The following DPP6 variants were observed in gnomAD, a reference collection of about 807,000 sequenced individuals.
DPP6 encodes dipeptidyl peptidase like 6, also known as A-type potassium channel modulatory protein DPP6.
Under a neutral mutation model 122.6 loss-of-function variants are expected in DPP6, and 69 were observed. The ratio of observed to expected loss-of-function variants is 0.56; its 90% CI spans 0.46 to 0.69. The LOEUF (loss-of-function observed/expected upper bound fraction) is 0.69, where lower values mean the gene tolerates loss of function less well. Among genes scored for constraint, DPP6 ranks in the 30% least tolerant of loss-of-function variants. DPP6 has a pLI of 0.00. For synonymous variants in DPP6, 418 were observed against 433.1 expected, an observed-to-expected ratio of 0.97 and a Z score of 0.43; for missense variants, 928 against 1,116.9, an observed-to-expected ratio of 0.83 and a Z score of 2.41.
At chr7:154,127,755 T>A (rs1808047723) in intron 1 of DPP6, among the ~76,000 whole-genome samples, 2 of 152,194 alleles carry the variant, frequency 1.3e-5, no homozygotes, top group African/African-American at 2.4e-5. Flanking sequence ...GACTGTGATC[T>A]GTTTCTGTCC....
chr7:153,880,492 A>G, the DPP6 span, among the ~76,000 whole-genome samples: 1 of 152,228 alleles, frequency 6.6e-6, no homozygotes, highest in Non-Finnish European at 1.5e-5. Context: ...ATTTAATACC[A>G]ACAAAATACT....
intron 8 of DPP6, among the ~76,000 whole-genome samples, chr7:154,766,272 C>T (rs1795893901): frequency 6.6e-6 from 1 of 152,160 alleles, no homozygotes; most frequent in African/African-American, 2.4e-5. Context: ...AGATACCTGT[C>T]ATCCCTGAAC....
intron 1 of DPP6, among the ~76,000 whole-genome samples, chr7:154,077,518 G>T (rs532254500): frequency 6.6e-6 from 1 of 152,138 alleles, no homozygotes; most frequent in South Asian, 2.1e-4. Context: ...CCATTGCAGG[G>T]TGTCCAGCCC....
the DPP6 span, among the ~76,000 whole-genome samples, chr7:153,865,015 A>G: frequency 6.6e-6 from 1 of 152,158 alleles, no homozygotes; most frequent in Non-Finnish European, 1.5e-5. Context: ...GCAGTAGAAG[A>G]TAACTTGTCT....
intron 1 of DPP6, among the ~76,000 whole-genome samples, chr7:154,010,225 C>T (rs1214414667): frequency 6.6e-6 from 1 of 152,212 alleles, no homozygotes; most frequent in Non-Finnish European, 1.5e-5. Flanking sequence ...TCTGGCAAAG[C>T]TTTATACACC....
chr7:154,280,196 A>G (rs988162496), intron 1 of DPP6, among the ~76,000 whole-genome samples: 1 of 150,806 alleles, frequency 6.6e-6, no homozygotes, highest in African/African-American at 2.5e-5. Context: ...CTGTTTTTTT[A>G]TAAAAAAAGG....
At chr7:154,541,609 ATTCTT>A (rs1250301733) in intron 4 of DPP6, among the ~76,000 whole-genome samples, 3 of 152,198 alleles carry the variant, frequency 2.0e-5, no homozygotes, top group Non-Finnish European at 2.9e-5. Flanking sequence ...AAAGCAGTTG[ATTCTT>A]TTCTTGTTTG....
At chr7:154,665,662 G>A (rs891374867) in intron 6 of DPP6, among the ~76,000 whole-genome samples, 1 of 151,914 alleles carries the variant, frequency 6.6e-6, no homozygotes, top group Middle Eastern at 3.2e-3. Flanking sequence ...TGCTACTGGG[G>A]TGTCATTGTT....
chr7:154,659,147 A>G (rs1049344050), intron 6 of DPP6, among the ~76,000 whole-genome samples: 3 of 152,232 alleles, frequency 2.0e-5, no homozygotes, highest in Admixed American at 6.5e-5. Flanking sequence ...ATGCAAAAAT[A>G]TAGGTTCCTT....
chr7:154,503,155 A>G (rs1825389786), intron 3 of DPP6, among the ~76,000 whole-genome samples: 2 of 152,234 alleles, frequency 1.3e-5, no homozygotes, highest in South Asian at 4.1e-4. Context: ...AATACAGTAC[A>G]GCCTTTATTT....
chr7:153,884,754 C>A (rs970182254), upstream of DPP6, among the ~76,000 whole-genome samples: 8 of 151,900 alleles, frequency 5.3e-5, no homozygotes, highest in African/African-American at 1.5e-4. Flanking sequence ...CCGAGGTGGG[C>A]AGGTCCTCTG....
chr7:154,764,742 CTTCTGTTTACTGTA>C (rs1207862149), intron 8 of DPP6, among the ~76,000 whole-genome samples: 1 of 152,144 alleles, frequency 6.6e-6, no homozygotes, highest in African/African-American at 2.4e-5. Context: ...TGCAGTTCTC[CTTCTGTTTACTGTA>C]TTACAAACTT....
chr7:154,264,958 G>A (rs1255350235), intron 1 of DPP6, among the ~76,000 whole-genome samples: 1 of 152,150 alleles, frequency 6.6e-6, no homozygotes, highest in Non-Finnish European at 1.5e-5. Flanking sequence ...TAATGATGGT[G>A]ATCCTGATGA....
intron 1 of DPP6, among the ~76,000 whole-genome samples, chr7:154,336,279 A>G (rs180742628): frequency 2.0e-5 from 3 of 152,256 alleles, no homozygotes; most frequent in African/African-American, 7.2e-5. Flanking sequence ...TAGACCGTGG[A>G]ACTGCAGGCA....
chr7:153,799,497 G>A, the DPP6 span, among the ~76,000 whole-genome samples: 1 of 152,074 alleles, frequency 6.6e-6, no homozygotes, highest in Non-Finnish European at 1.5e-5. Context: ...CCCTGCTCCC[G>A]GAGAGCTTGC....
chr7:154,217,482 G>A lies in DPP6; in HGVS notation c.243+164419G>A, dbSNP rs76193534. Among the ~76,000 whole-genome samples, 1,115 of 152,294 alleles carry A rather than the reference G, an allele frequency of 7.3e-3. 13 individuals are homozygous for A. The highest frequency in any genetic ancestry group is 0.025 in the African/African-American group (1,043 of 41,556). On this transcript the variant is annotated intron_variant, in intron 1 of 25. Coordinates refer to ENST00000377770, the MANE Select transcript of DPP6 (RefSeq NM_130797.4). ...TGTTAGTGTGTAAATTGGGCAGTAA[G>A]ATTCCATGTGTATTAGAAATAAACT...
At position 154,483,895 on chromosome 7, in the gene DPP6, A is replaced by G. The variant is rs796483037; in HGVS notation, c.457+8858A>G. 6.0e-4 allele frequency among the ~76,000 whole-genome samples: 91 copies of G among 152,264 alleles called. No homozygotes were observed. The highest frequency in any genetic ancestry group is 2.1e-3 in the African/African-American group (89 of 41,554). On this transcript the variant is annotated intron_variant, in intron 3 of 25. Coordinates refer to ENST00000377770, the MANE Select transcript of DPP6 (RefSeq NM_130797.4). The surrounding 1 kb of genome is among the most constrained non-coding windows in gnomAD (Gnocchi z 8.1). ...TTTTTAGCAGAGACAGGGTTTCCCC[A>G]TATTGCTCAGGCTGGTCTTGAACTC...
rs1444102599 is a variant in DPP6 at position 154,241,219 on chromosome 7, G to GTGTGTGTA, written c.243+188157_243+188158insGTGTGTAT. Among the ~76,000 whole-genome samples, 94 of 142,864 alleles carry GTGTGTGTA rather than the reference G, an allele frequency of 6.6e-4. No homozygotes were observed. The highest frequency in any genetic ancestry group is 7.1e-3 in the Middle Eastern group (2 of 282). The allele number at this position is 142,864 out of a possible 152,430, so 93.7% of individuals were successfully genotyped here. A position where few individuals can be genotyped will look rare whatever the true frequency, so the allele number is the denominator to read the frequency against. ...TGTGTGTGTGTGTGTGTGTGTGTGT[G>GTGTGTGTA]TATATATATATAGAGAGAGAGAGAG... On this transcript the variant is annotated intron_variant, in intron 1 of 25. Transcript: ENST00000377770. This position sits in a 1 kb window ranked among gnomAD's most constrained non-coding sequence, Gnocchi z 9.0.
intron 1 of DPP6, among the ~76,000 whole-genome samples, chr7:154,077,140 G>A (rs1803614552): frequency 6.6e-6 from 1 of 152,150 alleles, no homozygotes; most frequent in African/African-American, 2.4e-5. Flanking sequence ...TTCTAAGAAT[G>A]TTCCTATTTG....
Sources: allele counts gnomAD v4.1 joint callset (sites outside exome capture counted in the v4.1 genomes callset), GRCh38; gene constraint gnomAD v4.1.1; non-coding constraint Gnocchi (gnomAD v3.1); transcripts MANE v1.5; gene names NCBI Gene and HGNC (gene_info 2026-07-23, HGNC 2026-07-21).